Variants in ZBTB40 observed in about 807,000 individuals in gnomAD.
ZBTB40 encodes zinc finger and BTB domain containing 40.
ZBTB40 carries 60 observed loss-of-function variants against 117.5 expected under a neutral mutation model. The observed-to-expected ratio is 0.51, with a 90% CI of 0.41 to 0.63. The LOEUF (loss-of-function observed/expected upper bound fraction) is 0.63. Among genes scored for constraint, ZBTB40 ranks in the 30% least tolerant of loss-of-function variants. ZBTB40 has a pLI of 0.00. For synonymous variants in ZBTB40, 525 were observed against 577.1 expected, an observed-to-expected ratio of 0.91 and a Z score of 1.29; for missense variants, 1,287 against 1,498.5, an observed-to-expected ratio of 0.86 and a Z score of 2.33.
At chr1:22,517,191 T>A (rs1639394445) in intron 12 of ZBTB40, 109 bp from the exon 13 acceptor site, 2 of 1,496,222 alleles carry the variant, frequency 1.3e-6, no homozygotes, top group South Asian at 1.1e-5. Context: ...TGTTTTAATG[T>A]CATCTACCAG....
chr1:22,521,465 T>C, intron 14 of ZBTB40, 31 bp from the exon 15 acceptor site: 1 of 1,614,204 alleles, frequency 6.2e-7, no homozygotes, highest in Non-Finnish European at 8.5e-7. Context: ...TGGAACTTTC[T>C]AAGACCTAAC....
intron 1 of ZBTB40, among the ~76,000 whole-genome samples, chr1:22,433,306 G>A (rs1274251229): frequency 9.9e-5 from 15 of 150,850 alleles, no homozygotes; most frequent in Non-Finnish European, 1.6e-4. Context: ...GGTGGCGGGC[G>A]CCTGTAGTCC....
intron 9 of ZBTB40, among the ~76,000 whole-genome samples, chr1:22,510,616 AAAT>A (rs1353834142): frequency 1.3e-5 from 2 of 152,244 alleles, no homozygotes; most frequent in Non-Finnish European, 2.9e-5. Context: ...GACGGCTTTG[AAAT>A]AATATTCTTG....
At chr1:22,445,226 A>T (rs1557474727) in intron 1 of ZBTB40, among the ~76,000 whole-genome samples, 1 of 152,164 alleles carries the variant, frequency 6.6e-6, no homozygotes. Flanking sequence ...TTTTTGATTT[A>T]CAGGTTTTAC....
At chr1:22,438,459 T>C (rs993998983) in intron 1 of ZBTB40, among the ~76,000 whole-genome samples, 3 of 152,254 alleles carry the variant, frequency 2.0e-5, no homozygotes, top group Non-Finnish European at 4.4e-5. Context: ...GCTTTATGTA[T>C]TGTGAATAAT....
At chr1:22,479,971 G>A (rs751685852) in intron 1 of ZBTB40, among the ~76,000 whole-genome samples, 4 of 152,054 alleles carry the variant, frequency 2.6e-5, no homozygotes, top group African/African-American at 7.2e-5. Flanking sequence ...CAGTAACACC[G>A]TGTCAGCTCA....
At chr1:22,510,921 T>C (rs1314772915) in intron 9 of ZBTB40, among the ~76,000 whole-genome samples, 3 of 152,192 alleles carry the variant, frequency 2.0e-5, no homozygotes, top group African/African-American at 7.2e-5. Flanking sequence ...GAAAATGCTT[T>C]ATGCTTCCCT....
chr1:22,475,597 C>T (rs1279574225), intron 1 of ZBTB40, among the ~76,000 whole-genome samples: 1 of 152,198 alleles, frequency 6.6e-6, no homozygotes, highest in Admixed American at 6.5e-5. Flanking sequence ...AAATTACCAG[C>T]CCTAGTCCTT....
intron 1 of ZBTB40, among the ~76,000 whole-genome samples, chr1:22,443,518 TTAAGA>T (rs1640756347): frequency 6.6e-6 from 1 of 152,160 alleles, no homozygotes; most frequent in African/African-American, 2.4e-5. Context: ...AATGCTTGAG[TTAAGA>T]TAAGAGTAGT....
intron 2 of ZBTB40, among the ~76,000 whole-genome samples, chr1:22,490,990 G>C (rs978552903): frequency 8.5e-5 from 13 of 152,194 alleles, no homozygotes; most frequent in Admixed American, 8.5e-4. Flanking sequence ...CCGCCTCCTG[G>C]GTTCAAGCAA....
At position 22,521,496 on chromosome 1, in the gene ZBTB40, CA is replaced by C. The variant is rs1308166368; in HGVS notation, c.3051del (p.Gln1017HisfsTer56). On this transcript the variant is annotated frameshift_variant and splice_region_variant, in exon 15 of 18. Coordinates refer to ENST00000375647, the MANE Select transcript of ZBTB40 (RefSeq NM_014870.4). LOFTEE classifies it high-confidence loss of function. Reference sequence around the variant, plus strand: ...CTAACACTTGCCAAATTCCTTGCAGCAATTGTCTGGTTTGTGGTACCACAAT... The same window carrying C: ...CTAACACTTGCCAAATTCCTTGCAGCATTGTCTGGTTTGTGGTACCACAAT... ...SCGICNKAYQ[Q>X]LSGLWYHNRT... 6.2e-7 allele frequency: 1 copy of C among 1,614,216 alleles called. No individual in the cohort carries two copies. The highest frequency in any genetic ancestry group is 1.1e-5 in the South Asian group (1 of 91,078).
At position 22,520,220 on chromosome 1, in the gene ZBTB40, T is replaced by C; in HGVS notation, c.2993T>C (p.Val998Ala). The stretch of plus-strand genomic sequence containing the variant: ...CCGTCCATGCTGGAGCGGCACGTGG[T>C]GACCCACGTTGGAGGGAAGCCCTTC... Reference protein sequence around the residue: ...SAPSMLERHVVTHVGGKPFSC... With the variant: ...SAPSMLERHVATHVGGKPFSC... The change falls in exon 14 of 18, where the codon GTG becomes GCG. Residue 998 changes from valine (V) to alanine (A), a missense_variant. By Grantham distance (64) the Val-to-Ala change is moderately conservative (BLOSUM62 0). Transcript: ENST00000375647. The C allele has an allele frequency of 6.2e-7, 1 of 1,613,910 alleles. No individual in the cohort carries two copies. Among genetic ancestry groups the C allele is most frequent in the Non-Finnish European group, 8.5e-7 (1 of 1,179,960 alleles).
At chr1:22,452,851 A>T (rs1210040773) in intron 1 of ZBTB40, 1 of 152,296 alleles carries the variant, frequency 6.6e-6, no homozygotes, top group East Asian at 1.9e-4. Context: ...TCCTGCTTTG[A>T]ATAGCGTTGG....
intron 1 of ZBTB40, among the ~76,000 whole-genome samples, chr1:22,429,460 A>G (rs562723037): frequency 6.6e-6 from 1 of 151,472 alleles, no homozygotes; most frequent in East Asian, 1.9e-4. Context: ...TAATAGTTTT[A>G]TAACTTTGCT....
chr1:22,459,914 T>C (rs957771987), intron 1 of ZBTB40, among the ~76,000 whole-genome samples: 9 of 152,230 alleles, frequency 5.9e-5, no homozygotes, highest in Non-Finnish European at 1.3e-4. Flanking sequence ...ATAAAATCTG[T>C]ATGCTTCTTT....
chr1:22,503,381 G>A (rs1466446621), intron 5 of ZBTB40, among the ~76,000 whole-genome samples: 1 of 150,880 alleles, frequency 6.6e-6, no homozygotes, highest in African/African-American at 2.4e-5. Context: ...ATGTTTGTTG[G>A]TGTTATTGAT....
chr1:22,429,602 C>T (rs1391216212), intron 1 of ZBTB40, among the ~76,000 whole-genome samples: 1 of 152,028 alleles, frequency 6.6e-6, no homozygotes, highest in Non-Finnish European at 1.5e-5. Context: ...TATTATATAC[C>T]GGGTTCCCAG....
At chr1:22,514,801 CT>C (rs778476371) in intron 12 of ZBTB40, among the ~76,000 whole-genome samples, 12 of 152,194 alleles carry the variant, frequency 7.9e-5, no homozygotes, top group Non-Finnish European at 1.5e-4. Flanking sequence ...GTTAGTCTTT[CT>C]TTTCCCACTG....
chr1:22,494,673 G>A (rs75098738), intron 3 of ZBTB40, among the ~76,000 whole-genome samples: 1,994 of 152,308 alleles, frequency 0.013, 24 homozygotes, highest in Middle Eastern at 0.02. Flanking sequence ...AGAGGCCACC[G>A]AATACCCATT....
Sources: gnomAD v4.1 joint callset for allele counts (sites outside exome capture counted in the v4.1 genomes callset) on GRCh38, gnomAD v4.1.1 for gene constraint, MANE v1.5 for transcripts, NCBI Gene and HGNC (gene_info 2026-07-23, HGNC 2026-07-21) for gene names.